Variants in TOR1A observed in about 807,000 individuals in gnomAD.
TOR1A encodes torsin family 1 member A.
In TOR1A, 18 loss-of-function variants were observed where a neutral mutation model predicts 31.4. The observed-to-expected ratio is 0.57, with a 90% CI of 0.40 to 0.85. The LOEUF is 0.85. TOR1A is among the 40% of genes least tolerant of loss of function. The pLI is 0.00. For missense variants in TOR1A, 375 were observed against 416.4 expected, an observed-to-expected ratio of 0.90 and a Z score of 0.87; for synonymous variants, 168 against 165.9, an observed-to-expected ratio of 1.01 and a Z score of -0.10.
At position 129,824,079 on chromosome 9, in the gene TOR1A, G is replaced by T; in HGVS notation, c.7C>A (p.Leu3Met). 1 of 1,583,442 alleles carries T rather than the reference G, an allele frequency of 6.3e-7. No individual in the cohort carries two copies. Among genetic ancestry groups the T allele is most frequent in the Non-Finnish European group, 8.6e-7 (1 of 1,168,694 alleles). ...AGCAGGCCCAGCACGGCCCGGCCCAGCTTCATGCCCGGACCCGCGCCACCC... is the reference window on the plus strand; with the variant it reads ...AGCAGGCCCAGCACGGCCCGGCCCATCTTCATGCCCGGACCCGCGCCACCC... MK[L>M]GRAVLGLLLL... Residue 3 changes from leucine (L) to methionine (M), a missense_variant, in exon 1 of 5, where the codon CTG (leucine) becomes ATG (methionine). Coordinates refer to ENST00000351698, the MANE Select transcript of TOR1A (RefSeq NM_000113.3).
At position 129,822,829 on chromosome 9, in the gene TOR1A, C is replaced by G; in HGVS notation, c.196G>C (p.Asp66His). ...LSREALQKDLDDNLFGQHLAK... is the reference protein window; with the variant it reads ...LSREALQKDLHDNLFGQHLAK... ...AGATGCTGTCCAAAGAGGTTGTCGTCCAGATCCTTCTGCAGTGCTGGGAAA... is the reference window on the plus strand; with the variant it reads ...AGATGCTGTCCAAAGAGGTTGTCGTGCAGATCCTTCTGCAGTGCTGGGAAA... The change falls in exon 2 of 5, where the codon GAC (aspartate) becomes CAC (histidine). Residue 66 changes from aspartate (D) to histidine (H), a missense_variant. Transcript: ENST00000351698. The G allele has an allele frequency of 6.2e-7, 1 of 1,614,194 alleles. No individual in the cohort carries two copies. Among genetic ancestry groups the G allele is most frequent in the East Asian group, 2.2e-5 (1 of 44,896 alleles).
Position 129,823,937 on chromosome 9 carries a change from C to T in TOR1A, c.149G>A (p.Cys50Tyr). 6.2e-7 allele frequency: 1 copy of T among 1,609,664 alleles called. No homozygotes were observed. The highest frequency in any genetic ancestry group is 8.5e-7 in the Non-Finnish European group (1 of 1,178,918). Reference sequence around the variant, plus strand: ...CCGGCTAAGGCTCCGCTTCTGCCCGCAGCACTCGGCGAAGAGGCAGTAGAG... The same window carrying T: ...CCGGCTAAGGCTCCGCTTCTGCCCGTAGCACTCGGCGAAGAGGCAGTAGAG... The part of the protein sequence containing the change: ...PRLYCLFAEC[C>Y]GQKRSLSREA... The change falls in exon 1 of 5, where the codon TGC (cysteine) becomes TAC (tyrosine). Residue 50 changes from cysteine (C) to tyrosine (Y), a missense_variant. By Grantham distance (194) the Cys-to-Tyr change is radical. Transcript: ENST00000351698.
chr9:129,814,851 A>G (rs2030994858), intron 4 of TOR1A, among the ~76,000 whole-genome samples: 1 of 152,154 alleles, frequency 6.6e-6, no homozygotes. Flanking sequence ...GACTAGCAAC[A>G]GGGAAGCCTG....
At chr9:129,820,058 T>TA (rs1216779025) in intron 2 of TOR1A, among the ~76,000 whole-genome samples, 1 of 152,128 alleles carries the variant, frequency 6.6e-6, no homozygotes, top group African/African-American at 2.4e-5. Context: ...TGACCAAACT[T>TA]ATATGCAATA....
At chr9:129,817,515 T>C (rs2031069184) in intron 4 of TOR1A, among the ~76,000 whole-genome samples, 1 of 151,198 alleles carries the variant, frequency 6.6e-6, no homozygotes, top group African/African-American at 2.4e-5. Context: ...CTGGCTAACA[T>C]GGTGAAACCC....
At chr9:129,821,084 C>T (rs2031174229) in intron 2 of TOR1A, among the ~76,000 whole-genome samples, 1 of 152,164 alleles carries the variant, frequency 6.6e-6, no homozygotes, top group East Asian at 1.9e-4. Flanking sequence ...GCTGGATGAC[C>T]TTGAGGTCAG....
rs990435438 is a variant in TOR1A at position 129,823,915 on chromosome 9, G to C, written c.171C>G (p.Ser57Arg). Residue 57 changes from serine (S) to arginine (R), a missense_variant, in exon 1 of 5, where the codon AGC (serine) becomes AGG (arginine). Coordinates refer to ENST00000351698, the MANE Select transcript of TOR1A (RefSeq NM_000113.3). ...AECCGQKRSLSREALQKDLDD... is the reference protein window; with the variant it reads ...AECCGQKRSLRREALQKDLDD... ...GCCCCCGCCCCAGCCTACCCTCCCG[G>C]CTAAGGCTCCGCTTCTGCCCGCAGC... 6.3e-7 allele frequency: 1 copy of C among 1,591,720 alleles called. No homozygotes were observed.
At chr9:129,815,553 C>CGAGCA (rs1479478732) in intron 4 of TOR1A, among the ~76,000 whole-genome samples, 1 of 152,156 alleles carries the variant, frequency 6.6e-6, no homozygotes, top group East Asian at 1.9e-4. Flanking sequence ...GGGCAGAGCC[C>CGAGCA]GAGCAACAAG....
At position 129,818,515 on chromosome 9, in the gene TOR1A, C is replaced by G; in HGVS notation, c.748+5G>C. On this transcript the variant is annotated splice_donor_5th_base_variant and intron_variant, in intron 4 of 4. Transcript: ENST00000351698. ...ATGGGACTGGCGGTGGATGGCCCTA[C>G]TCACTGTTCTTGTTATTGAAAACCG... The G allele has an allele frequency of 6.2e-7, 1 of 1,614,058 alleles. No individual in the cohort carries two copies. Among genetic ancestry groups the G allele is most frequent in the Non-Finnish European group, 8.5e-7 (1 of 1,180,024 alleles).
At chr9:129,815,563 G>A (rs2031015195) in intron 4 of TOR1A, among the ~76,000 whole-genome samples, 1 of 152,190 alleles carries the variant, frequency 6.6e-6, no homozygotes, top group Non-Finnish European at 1.5e-5. Context: ...CGAGCAACAA[G>A]GACCCAGCCA....
chr9:129,813,277 A>G lies in TOR1A; in HGVS notation c.*695T>C, dbSNP rs975186551. On this transcript the variant is annotated 3_prime_UTR_variant, in exon 5 of 5. Transcript: ENST00000351698. Reference sequence around the variant, plus strand: ...TGACAGTGTGGCCAAAATCACTCCCACAGCTCCCATTGTTGCTAAGGTGAA... The same window carrying G: ...TGACAGTGTGGCCAAAATCACTCCCGCAGCTCCCATTGTTGCTAAGGTGAA... The G allele has an allele frequency of 6.5e-6, 1 of 153,170 alleles. No individual in the cohort carries two copies. Among genetic ancestry groups the G allele is most frequent in the Admixed American group, 6.5e-5 (1 of 15,396 alleles). 9.5% of individuals were successfully genotyped at this position (153,170 alleles called of 1,614,324 possible). A position where few individuals can be genotyped will look rare whatever the true frequency, so the allele number is the denominator to read the frequency against.
At chr9:129,823,590 C>T in intron 1 of TOR1A, 1 of 399,458 alleles carries the variant, frequency 2.5e-6, no homozygotes, top group Non-Finnish European at 4.6e-6. Context: ...CATCCCCCAG[C>T]CTCCATCCAC....
At chr9:129,822,532 C>T (rs754314058) in intron 2 of TOR1A, 49 bp downstream of exon 2, 46 of 1,612,098 alleles carry the variant, frequency 2.9e-5, no homozygotes, top group South Asian at 1.5e-4. Flanking sequence ...AACAAAGAGA[C>T]CCCAAACCCG....
chr9:129,822,870 G>C (rs2031219876), intron 1 of TOR1A, 24 bp from the exon 2 acceptor site: 1 of 1,614,146 alleles, frequency 6.2e-7, no homozygotes, highest in African/African-American at 1.3e-5. Context: ...AGCCAATCAG[G>C]AGTGGGGAAG....
chr9:129,818,760 A>G lies in TOR1A; in HGVS notation c.605T>C (p.Met202Thr), dbSNP rs1470974962. 3.7e-6 allele frequency: 6 copies of G among 1,613,340 alleles called. No individual in the cohort carries two copies. The highest frequency in any genetic ancestry group is 1.1e-5 in the South Asian group (1 of 91,072). Residue 202 changes from methionine to threonine, a missense_variant, in exon 3 of 5, where the codon ATG becomes ACG. Coordinates refer to ENST00000351698, the MANE Select transcript of TOR1A (RefSeq NM_000113.3). Reference sequence around the variant, plus strand: ...CTGACCTTACCTGAGAAATATGAACATGGCTTTCTGGTAGGAGACCCCATC... The same window carrying G: ...CTGACCTTACCTGAGAAATATGAACGTGGCTTTCTGGTAGGAGACCCCATC... Reference protein sequence around the residue: ...LVDGVSYQKAMFIFLSNAGAE... With the variant: ...LVDGVSYQKATFIFLSNAGAE...
rs2031216804 is a variant in TOR1A, at chr9:129,822,755, T to G, written c.270A>C (p.Pro90=). The G allele has an allele frequency of 1.2e-6, 2 of 1,614,108 alleles. No individual in the cohort carries two copies. The highest frequency in any genetic ancestry group is 2.7e-5 in the African/African-American group (2 of 74,924). ...AGAGCGTGAGAGGTTTCTTGGGCTT[T>G]GGGTTGTTTATGAAACCAAACACGG... ...LNAVFGFINN[P]KPKKPLTLSL... Residue 90 remains proline (P), a synonymous_variant, in exon 2 of 5, where the codon CCA becomes CCC. Transcript: ENST00000351698.
intron 2 of TOR1A, among the ~76,000 whole-genome samples, chr9:129,820,425 A>G (rs1402586039): frequency 6.6e-6 from 1 of 152,096 alleles, no homozygotes; most frequent in East Asian, 1.9e-4. Context: ...TGGTCTGTTC[A>G]TAGAACATTT....
chr9:129,815,198 T>C (rs980761003), intron 4 of TOR1A, among the ~76,000 whole-genome samples: 1 of 152,210 alleles, frequency 6.6e-6, no homozygotes, highest in African/African-American at 2.4e-5. Flanking sequence ...ATTCACTGGG[T>C]TAATGCTTTT....
Position 129,818,776 on chromosome 9 carries a change from A to G in TOR1A, c.589T>C (p.Ser197Pro). ...AATATGAACATGGCTTTCTGGTAGG[A>G]GACCCCATCCACCAGGTCATAATAG... ...LDYYDLVDGV[S>P]YQKAMFIFLS... The change falls in exon 3 of 5, where the codon TCC becomes CCC. Residue 197 changes from serine (S) to proline (P), a missense_variant. Physicochemically the swap from Ser to Pro is moderately conservative, Grantham distance 74 (BLOSUM62 -1). Coordinates refer to ENST00000351698, the MANE Select transcript of TOR1A (RefSeq NM_000113.3). 1.2e-6 allele frequency: 2 copies of G among 1,613,432 alleles called. No individual in the cohort carries two copies. Among genetic ancestry groups the G allele is most frequent in the Non-Finnish European group, 1.7e-6 (2 of 1,180,038 alleles).
Sources: gnomAD v4.1 joint callset for allele counts (sites outside exome capture counted in the v4.1 genomes callset) on GRCh38, gnomAD v4.1.1 for gene constraint, MANE v1.5 for transcripts, NCBI Gene and HGNC (gene_info 2026-07-23, HGNC 2026-07-21) for gene names.